Variants in SMOC1 observed in about 807,000 individuals in gnomAD.
SMOC1 encodes the protein SPARC related modular calcium binding 1.
Under a neutral mutation model 56.3 loss-of-function variants are expected in SMOC1, and 22 were observed. That is an observed-to-expected ratio of 0.39 (90% CI 0.28 to 0.56). SMOC1 has a LOEUF of 0.56. Among genes scored for constraint, SMOC1 ranks in the 20% least tolerant of loss-of-function variants. The pLI, the probability that SMOC1 is intolerant of heterozygous loss-of-function variation, is 0.61. For missense variants in SMOC1, 509 were observed against 565.4 expected, an observed-to-expected ratio of 0.90 and a Z score of 1.01; for synonymous variants, 193 against 215.0, an observed-to-expected ratio of 0.90 and a Z score of 0.89.
chr14:69,879,703 C>T lies in SMOC1; in HGVS notation c.25C>T (p.Leu9=). ...CATGCTGCCCGCGCGCTGCGCCCGC[C>T]TGCTCACGCCCCACTTGCTGCTGGT... MLPARCAR[L]LTPHLLLVLV... is the part of the protein sequence containing the mutation. The change falls in exon 1 of 12, where the codon CTG becomes TTG. Residue 9 remains leucine (L), a synonymous_variant. Transcript: ENST00000361956. 6.3e-7 allele frequency: 1 copy of T among 1,581,948 alleles called. No homozygotes were observed. The highest frequency in any genetic ancestry group is 1.1e-5 in the South Asian group (1 of 87,956).
intron 1 of SMOC1, among the ~76,000 whole-genome samples, chr14:69,946,814 G>T (rs1038147941): frequency 2.0e-5 from 3 of 152,204 alleles, no homozygotes; most frequent in Non-Finnish European, 4.4e-5. Flanking sequence ...GAGGTGCTTT[G>T]GTCCTTGGGG....
rs541576807 is a variant in SMOC1 at position 69,881,486 on chromosome 14, G to T, written c.99+1709G>T. Among the ~76,000 whole-genome samples the T allele has an allele frequency of 3.3e-5, 5 of 152,260 alleles. No individual in the cohort carries two copies. In the East Asian group the frequency reaches 9.7e-4, roughly 29 times the overall value. On this transcript the variant is annotated intron_variant, in intron 1 of 11. Coordinates refer to ENST00000361956, the MANE Select transcript of SMOC1 (RefSeq NM_001034852.3). ...AAGCAACCTTTAGGGGAAAGCTAGGGACTTGAGGGGAAATCAGGCACCGTG... is the reference window on the plus strand; with the variant it reads ...AAGCAACCTTTAGGGGAAAGCTAGGTACTTGAGGGGAAATCAGGCACCGTG...
chr14:69,997,873 G>A (rs1884824697), intron 7 of SMOC1, among the ~76,000 whole-genome samples: 1 of 152,164 alleles, frequency 6.6e-6, no homozygotes, highest in South Asian at 2.1e-4. Context: ...CATCCCCGGG[G>A]AGGTTGCCAT....
At chr14:69,924,350 T>C (rs970496616) in intron 1 of SMOC1, among the ~76,000 whole-genome samples, 6 of 152,222 alleles carry the variant, frequency 3.9e-5, no homozygotes, top group African/African-American at 1.4e-4. Context: ...ATACTTGTCA[T>C]TTTTTGTGGT....
At chr14:69,926,389 A>C (rs529426680) in intron 1 of SMOC1, among the ~76,000 whole-genome samples, 130 of 152,326 alleles carry the variant, frequency 8.5e-4, no homozygotes, top group African/African-American at 2.9e-3. Context: ...CTCTGGGTTC[A>C]AGCTTTGGGT....
intron 7 of SMOC1, among the ~76,000 whole-genome samples, chr14:70,002,137 A>C (rs12884121): frequency 0.2 from 29,772 of 152,142 alleles, 3,259 homozygotes; most frequent in African/African-American, 0.29. Flanking sequence ...CTGGAGCTGG[A>C]GACAGTTCTT....
At chr14:69,897,564 TA>T (rs1842600710) in intron 1 of SMOC1, among the ~76,000 whole-genome samples, 2 of 146,446 alleles carry the variant, frequency 1.4e-5, no homozygotes, top group African/African-American at 5.3e-5. Flanking sequence ...GTAGCAATTA[TA>T]CTTAAAAAAA....
chr14:70,000,045 G>T (rs1172929162), intron 7 of SMOC1, among the ~76,000 whole-genome samples: 1 of 152,176 alleles, frequency 6.6e-6, no homozygotes, highest in East Asian at 1.9e-4. Context: ...CACTGAAATT[G>T]AAGATCTTGC....
chr14:69,953,614 GCGCCT>G, intron 3 of SMOC1, 82 bp downstream of exon 3: 1 of 1,153,844 alleles, frequency 8.7e-7, no homozygotes, highest in Non-Finnish European at 1.3e-6. Flanking sequence ...GGGCTGCTTG[GCGCCT>G]TCACTTTCTG....
chr14:69,924,038 A>G lies in SMOC1; in HGVS notation c.100-28100A>G, dbSNP rs891647992. 2.0e-5 allele frequency among the ~76,000 whole-genome samples: 3 copies of G among 152,348 alleles called. No homozygotes were observed. In the East Asian group the frequency reaches 5.8e-4, roughly 29 times the overall value. ...ACCAGAAAAAGGGGATCTCAGTGGA[A>G]CGTCAACAGCATCCGCTACAGATAT... is the stretch of plus-strand genomic sequence containing the variant. On this transcript the variant is annotated intron_variant, in intron 1 of 11. Transcript: ENST00000361956.
intron 3 of SMOC1, among the ~76,000 whole-genome samples, chr14:69,972,524 G>A (rs1306328228): frequency 6.6e-6 from 1 of 152,172 alleles, no homozygotes; most frequent in Non-Finnish European, 1.5e-5. Context: ...TATAGGACTT[G>A]GAAGGAGCTC....
intron 1 of SMOC1, among the ~76,000 whole-genome samples, chr14:69,929,424 A>G (rs1885103018): frequency 6.6e-6 from 1 of 152,246 alleles, no homozygotes; most frequent in Non-Finnish European, 1.5e-5. Flanking sequence ...GCTGAGGCTC[A>G]GAGAGGTTAA....
intron 10 of SMOC1, among the ~76,000 whole-genome samples, chr14:70,022,680 C>T (rs1432432986): frequency 6.6e-6 from 1 of 152,250 alleles, no homozygotes; most frequent in African/African-American, 2.4e-5. Context: ...ACCTTTTTGG[C>T]TCTGTCTCAT....
At chr14:69,909,564 G>C (rs1019747054) in intron 1 of SMOC1, among the ~76,000 whole-genome samples, 1 of 152,124 alleles carries the variant, frequency 6.6e-6, no homozygotes, top group Admixed American at 6.5e-5. Context: ...ATGATTTCTG[G>C]CAAGGATTTA....
intron 7 of SMOC1, 81 bp from the exon 8 acceptor site, chr14:70,010,673 T>C: frequency 1.3e-6 from 2 of 1,484,940 alleles, no homozygotes; most frequent in Non-Finnish European, 1.9e-6. Context: ...CCTTGCTACT[T>C]ACTTTGGATG....
At chr14:69,886,610 C>T (rs999903523) in intron 1 of SMOC1, among the ~76,000 whole-genome samples, 2 of 152,178 alleles carry the variant, frequency 1.3e-5, no homozygotes, top group African/African-American at 2.4e-5. Context: ...TAGCTCCTCC[C>T]CAGTCCTTTT....
chr14:69,985,898 G>A (rs535969940), intron 5 of SMOC1, among the ~76,000 whole-genome samples: 7 of 152,218 alleles, frequency 4.6e-5, no homozygotes, highest in East Asian at 1.9e-4. Context: ...CATCTATACC[G>A]TGCCTAATTT....
chr14:69,910,716 C>A (rs915492858), intron 1 of SMOC1, among the ~76,000 whole-genome samples: 1 of 151,948 alleles, frequency 6.6e-6, no homozygotes, highest in East Asian at 1.9e-4. Flanking sequence ...GTGTGTATGC[C>A]GAGGAGGTGT....
intron 7 of SMOC1, among the ~76,000 whole-genome samples, 179 bp from the exon 8 acceptor site, chr14:70,010,575 G>A (rs575376681): frequency 2.0e-5 from 3 of 152,336 alleles, no homozygotes; most frequent in African/African-American, 7.2e-5. Flanking sequence ...GAACCTCCAG[G>A]CCCCTCAGCA....
Sources: allele counts gnomAD v4.1 joint callset (sites outside exome capture counted in the v4.1 genomes callset), GRCh38; gene constraint gnomAD v4.1.1; transcripts MANE v1.5; gene names NCBI Gene and HGNC (gene_info 2026-07-23, HGNC 2026-07-21).